TMEM135: variants seen among roughly 807,000 people sequenced by gnomAD.
TMEM135 encodes the protein peroxisomal membrane protein 52.
TMEM135 carries 30 observed loss-of-function variants against 60.3 expected under a neutral mutation model. The ratio of observed to expected loss-of-function variants is 0.50; its 90% CI spans 0.37 to 0.68. The LOEUF is 0.68. TMEM135 is among the 30% of genes least tolerant of loss of function. The pLI is 0.00. For missense variants in TMEM135, 468 were observed against 548.8 expected (o/e 0.85, Z 1.47); for synonymous variants, 190 against 186.7 (o/e 1.02, Z -0.14).
intron 5 of TMEM135, among the ~76,000 whole-genome samples, chr11:87,188,929 G>A (rs1954191010): frequency 6.6e-6 from 1 of 152,000 alleles, no homozygotes; most frequent in South Asian, 2.1e-4. Context: ...ACATGTGCCA[G>A]TTCAACTTAT....
In TMEM135 at chr11:87,325,885, AT is replaced by A. The variant is rs1242808511; in HGVS notation, c.*4560del. 8 of 453,322 alleles carry A rather than the reference AT, an allele frequency of 1.8e-5. No individual in the cohort carries two copies. The highest frequency in any genetic ancestry group is 3.5e-5 in the Non-Finnish European group (8 of 226,646). 28.1% of individuals were successfully genotyped at this position (453,322 alleles called of 1,614,324 possible). On this transcript the variant is annotated 3_prime_UTR_variant, in exon 15 of 15. Coordinates refer to ENST00000305494, the MANE Select transcript of TMEM135 (RefSeq NM_022918.4). The stretch of plus-strand genomic sequence containing the variant: ...TTTCCTATTTTCTTTTACTTTCTCC[AT>A]TTTTTTTCCATCTGTCCCTCCTACG...
chr11:87,133,146 G>A (rs1157739919), intron 4 of TMEM135, among the ~76,000 whole-genome samples: 1 of 152,074 alleles, frequency 6.6e-6, no homozygotes, highest in Non-Finnish European at 1.5e-5. Flanking sequence ...TACTCATAAT[G>A]GCAAACAGTT....
chr11:87,316,776 A>G (rs112977680), intron 12 of TMEM135, among the ~76,000 whole-genome samples: 68 of 152,136 alleles, frequency 4.5e-4, no homozygotes, highest in African/African-American at 1.6e-3. Flanking sequence ...CTAAGTGGCC[A>G]GAGTTTTTTA....
At chr11:87,169,844 G>C (rs1204577438) in intron 5 of TMEM135, among the ~76,000 whole-genome samples, 1 of 152,000 alleles carries the variant, frequency 6.6e-6, no homozygotes, top group African/African-American at 2.4e-5. Flanking sequence ...TTGAATGTTG[G>C]CCTGTCTTGC....
At chr11:87,139,167 C>T (rs984068592) in intron 4 of TMEM135, among the ~76,000 whole-genome samples, 2 of 152,026 alleles carry the variant, frequency 1.3e-5, no homozygotes, top group Non-Finnish European at 2.9e-5. Flanking sequence ...TGTGTCCTTC[C>T]TAAAAAATTT....
Position 87,322,713 on chromosome 11 carries a change from A to G in TMEM135, c.*1380A>G, listed in dbSNP as rs1490959481. ...AAAAATGCTTAATCCCTCATATTCA[A>G]TTTCATCAAGCCTTGTATACTTCTG... On this transcript the variant is annotated 3_prime_UTR_variant, in exon 15 of 15. Coordinates refer to ENST00000305494, the MANE Select transcript of TMEM135 (RefSeq NM_022918.4). 3 of 453,926 alleles carry G rather than the reference A, an allele frequency of 6.6e-6. No homozygotes were observed. Among genetic ancestry groups the G allele is most frequent in the Non-Finnish European group, 1.3e-5 (3 of 226,724 alleles). The allele number at this position is 453,926 out of a possible 1,614,324, so 28.1% of individuals were successfully genotyped here. A position where few individuals can be genotyped will look rare whatever the true frequency, so the allele number is the denominator to read the frequency against.
chr11:87,243,413 G>T (rs1941186289), intron 6 of TMEM135, among the ~76,000 whole-genome samples: 1 of 127,758 alleles, frequency 7.8e-6, no homozygotes. Flanking sequence ...GCTTGATGGG[G>T]ATGGCATTGA....
At chr11:87,199,086 T>A (rs1940034808) in intron 5 of TMEM135, among the ~76,000 whole-genome samples, 1 of 152,202 alleles carries the variant, frequency 6.6e-6, no homozygotes, top group Admixed American at 6.5e-5. Flanking sequence ...TGAGTAGTTA[T>A]CGCTGTGGCT....
intron 6 of TMEM135, among the ~76,000 whole-genome samples, chr11:87,239,645 A>G (rs7122315): frequency 0.11 from 16,594 of 151,960 alleles, 1,638 homozygotes; most frequent in African/African-American, 0.26. Context: ...ATAGGGAAGA[A>G]TTTTATATTT....
At chr11:87,112,723 T>G (rs1857785586) in intron 4 of TMEM135, among the ~76,000 whole-genome samples, 1 of 152,092 alleles carries the variant, frequency 6.6e-6, no homozygotes, top group South Asian at 2.1e-4. Context: ...TTAAATTTTT[T>G]GGAAGAAAAT....
At chr11:87,045,252 G>A (rs780221999) in intron 1 of TMEM135, among the ~76,000 whole-genome samples, 175 of 148,408 alleles carry the variant, frequency 1.2e-3, no homozygotes, top group South Asian at 7.8e-3. Flanking sequence ...GGATGGTCTC[G>A]ATCTCCTGAC....
intron 6 of TMEM135, among the ~76,000 whole-genome samples, chr11:87,264,366 G>A (rs189517026): frequency 1.2e-3 from 173 of 150,206 alleles, no homozygotes; most frequent in Admixed American, 2.5e-3. Context: ...TGTCTAGGAA[G>A]TAACTAGTAA....
At chr11:87,114,673 T>C (rs756502354) in intron 4 of TMEM135, among the ~76,000 whole-genome samples, 73 of 152,198 alleles carry the variant, frequency 4.8e-4, no homozygotes, top group Non-Finnish European at 6.9e-4. Context: ...TTTTTAACTT[T>C]TGAGCTGCAT....
chr11:87,273,028 C>G (rs546544648), intron 6 of TMEM135, among the ~76,000 whole-genome samples: 1 of 152,236 alleles, frequency 6.6e-6, no homozygotes, highest in African/African-American at 2.4e-5. Context: ...AGCAATTATC[C>G]TGTCTTTCTT....
At chr11:87,144,479 A>G (rs1388112845) in intron 4 of TMEM135, among the ~76,000 whole-genome samples, 1 of 152,246 alleles carries the variant, frequency 6.6e-6, no homozygotes, top group African/African-American at 2.4e-5. Flanking sequence ...AACAGGTGGC[A>G]GGCTGAATTT....
chr11:87,203,032 C>CAAAAAAAAAAAAAAA lies in TMEM135; in HGVS notation c.463-33594_463-33580dup, dbSNP rs534909524. 1.7e-3 allele frequency among the ~76,000 whole-genome samples: 56 copies of CAAAAAAAAAAAAAAA among 33,590 alleles called. 4 individuals are homozygous for CAAAAAAAAAAAAAAA. Among genetic ancestry groups the CAAAAAAAAAAAAAAA allele is most frequent in the African/African-American group, 4.9e-3 (56 of 11,418 alleles). The allele number at this position is 33,590 out of a possible 152,430, so 22.0% of individuals were successfully genotyped here. A position where few individuals can be genotyped will look rare whatever the true frequency, so the allele number is the denominator to read the frequency against. On this transcript the variant is annotated intron_variant, in intron 5 of 14. Transcript: ENST00000305494. Reference sequence around the variant, plus strand: ...TGGGCGACAGAGTGAGACTCCGTCTCAAAAAAAAAAAAAAAAAAAAAAAAA... The same window carrying CAAAAAAAAAAAAAAA: ...TGGGCGACAGAGTGAGACTCCGTCTCAAAAAAAAAAAAAAAAAAAAAAAAAAAAAAAAAAAAAAAA...
At chr11:87,273,016 A>G (rs1941898841) in intron 6 of TMEM135, among the ~76,000 whole-genome samples, 2 of 152,278 alleles carry the variant, frequency 1.3e-5, no homozygotes, top group South Asian at 4.1e-4. Flanking sequence ...CTGCCTCGTT[A>G]TAGCAATTAT....
rs114108040 is a variant in TMEM135, at chr11:87,057,359, G to A, written c.142-10335G>A. Reference sequence around the variant, plus strand: ...AGTATCATCATTACGGAAAACTTTTGAAGATTGCTTGTATCTTCCCACATA... The same window carrying A: ...AGTATCATCATTACGGAAAACTTTTAAAGATTGCTTGTATCTTCCCACATA... On this transcript the variant is annotated intron_variant, in intron 1 of 14. Transcript: ENST00000305494. Among the ~76,000 whole-genome samples the A allele has an allele frequency of 1.7e-3, 259 of 152,230 alleles. 1 individual carries two copies. The highest frequency in any genetic ancestry group is 6.0e-3 in the African/African-American group (249 of 41,540).
At chr11:87,232,654 G>A (rs1940913986) in intron 5 of TMEM135, among the ~76,000 whole-genome samples, 1 of 152,124 alleles carries the variant, frequency 6.6e-6, no homozygotes, top group African/African-American at 2.4e-5. Flanking sequence ...GAATTTAGAT[G>A]TATCTGTACA....
Sources: allele counts gnomAD v4.1 joint callset (sites outside exome capture counted in the v4.1 genomes callset), GRCh38; gene constraint gnomAD v4.1.1; transcripts MANE v1.5; gene names NCBI Gene and HGNC (gene_info 2026-07-23, HGNC 2026-07-21).